ENAH: variants seen among roughly 807,000 people sequenced by gnomAD.
The protein encoded by ENAH is protein enabled homolog.
In ENAH, 23 loss-of-function variants were observed where a neutral mutation model predicts 78.7. The observed-to-expected ratio is 0.29, with a 90% CI of 0.21 to 0.41. ENAH has a LOEUF of 0.41. Among genes scored for constraint, ENAH ranks in the 10% least tolerant of loss-of-function variants. ENAH has a pLI of 1.00. For synonymous variants in ENAH, 226 were observed against 241.0 expected, an observed-to-expected ratio of 0.94 and a Z score of 0.58; for missense variants, 544 against 691.0, an observed-to-expected ratio of 0.79 and a Z score of 2.39.
chr1:225,612,268 A>G (rs1191872453), intron 1 of ENAH, among the ~76,000 whole-genome samples: 3 of 152,236 alleles, frequency 2.0e-5, no homozygotes, highest in Non-Finnish European at 4.4e-5. Context: ...ACGTACTGAC[A>G]CTGCTATGAC....
intron 3 of ENAH, among the ~76,000 whole-genome samples, chr1:225,541,881 T>C (rs768077904): frequency 2.0e-5 from 3 of 152,148 alleles, no homozygotes; most frequent in Non-Finnish European, 2.9e-5. Context: ...GGCTCTAGTT[T>C]GTTTTTTGTT....
chr1:225,595,095 G>C (rs1193121698), intron 1 of ENAH, among the ~76,000 whole-genome samples: 1 of 152,166 alleles, frequency 6.6e-6, no homozygotes, highest in South Asian at 2.1e-4. Context: ...AGCACTTTGG[G>C]AGGCCAAGGC....
intron 1 of ENAH, among the ~76,000 whole-genome samples, chr1:225,586,748 GAGC>G (rs2096849032): frequency 6.6e-6 from 1 of 152,130 alleles, no homozygotes; most frequent in Non-Finnish European, 1.5e-5. Context: ...GAAAAAGGCC[GAGC>G]ATGGTGGCTC....
At chr1:225,600,452 T>G (rs1440063265) in intron 1 of ENAH, among the ~76,000 whole-genome samples, 1 of 151,862 alleles carries the variant, frequency 6.6e-6, no homozygotes, top group Non-Finnish European at 1.5e-5. Context: ...TTATGTTAGG[T>G]TGGTGCAGAA....
In ENAH at chr1:225,486,931, A is replaced by C. The variant is rs2096203531; in HGVS notation, c.*10844T>G. ...CAGCAAAGCTGCAAAGTAGGAAAGA[A>C]AGCTGAGGGAGAGATTGATCCGATT... On this transcript the variant is annotated 3_prime_UTR_variant, in exon 14 of 14. Transcript: ENST00000366843. 1 of 152,690 alleles carries C rather than the reference A, an allele frequency of 6.5e-6. No individual in the cohort carries two copies. The highest frequency in any genetic ancestry group is 1.5e-5 in the Non-Finnish European group (1 of 68,044). The allele number at this position is 152,690 out of a possible 1,614,324, so 9.5% of individuals were successfully genotyped here. A position where few individuals can be genotyped will look rare whatever the true frequency, so the allele number is the denominator to read the frequency against.
Position 225,497,488 on chromosome 1 carries a change from T to C in ENAH, c.*287A>G, listed in dbSNP as rs1266649290. ...TATTTCAATGCGTGGTGATCTTGCC[T>C]GATGGGTTTTAGTATTTTCTGCATA... is the stretch of plus-strand genomic sequence containing the variant. On this transcript the variant is annotated 3_prime_UTR_variant, in exon 14 of 14. Coordinates refer to ENST00000366843, the MANE Select transcript of ENAH (RefSeq NM_018212.6). The C allele has an allele frequency of 4.0e-6, 1 of 247,366 alleles. No individual in the cohort carries two copies. The highest frequency in any genetic ancestry group is 7.3e-5 in the East Asian group (1 of 13,698). The allele number at this position is 247,366 out of a possible 1,614,324, so 15.3% of individuals were successfully genotyped here.
intron 11 of ENAH, among the ~76,000 whole-genome samples, chr1:225,502,722 T>C (rs1441985806): frequency 6.6e-6 from 1 of 152,200 alleles, no homozygotes; most frequent in Non-Finnish European, 1.5e-5. Flanking sequence ...CCTTCTTACT[T>C]TGCTAGGGAA....
At chr1:225,613,237 C>T (rs1174620624) in intron 1 of ENAH, among the ~76,000 whole-genome samples, 1 of 152,178 alleles carries the variant, frequency 6.6e-6, no homozygotes, top group Non-Finnish European at 1.5e-5. Context: ...AGAAGCCTTC[C>T]GTGACCACCC....
chr1:225,626,944 G>A (rs1033144809), intron 1 of ENAH, among the ~76,000 whole-genome samples: 1 of 152,140 alleles, frequency 6.6e-6, no homozygotes, highest in Non-Finnish European at 1.5e-5. Context: ...TGAGAAAGAG[G>A]AATGGTATTT....
Position 225,517,214 on chromosome 1 carries a change from C to G in ENAH, c.895G>C (p.Glu299Gln). ...GCCTTACCCTGTTGGGATGGAGTCTCGGCCGGCTGAGAGGCTGCCTGCAAG... is the reference window on the plus strand; with the variant it reads ...GCCTTACCCTGTTGGGATGGAGTCTGGGCCGGCTGAGAGGCTGCCTGCAAG... Reference protein sequence around the residue: ...PGLQAASQPAETPSQQGIVLG... With the variant: ...PGLQAASQPAQTPSQQGIVLG... Residue 299 changes from glutamate (E) to glutamine (Q), a missense_variant, in exon 6 of 14, where the codon GAG becomes CAG. By Grantham distance (29) the Glu-to-Gln change is conservative. Coordinates refer to ENST00000366843, the MANE Select transcript of ENAH (RefSeq NM_018212.6). The G allele has an allele frequency of 3.9e-6, 6 of 1,541,734 alleles. No individual in the cohort carries two copies. The highest frequency in any genetic ancestry group is 5.3e-6 in the Non-Finnish European group (6 of 1,142,352).
chr1:225,511,690 ACT>A lies in ENAH; in HGVS notation c.1471+119_1471+120del, dbSNP rs1016258850. The A allele has an allele frequency of 3.5e-5, 21 of 599,912 alleles. No homozygotes were observed. The African/African-American group carries it at 3.8e-4, about 11-fold the overall frequency. 37.2% of individuals were successfully genotyped at this position (599,912 alleles called of 1,614,324 possible). ...GAATGCTTTCAGGTGGGAACAAAGA[ACT>A]CTGGCATTTTAGTGTCCAGTCACTT... On this transcript the variant is annotated intron_variant, in intron 10 of 13. Transcript: ENST00000366843.
chr1:225,604,778 G>C (rs1025417140), intron 1 of ENAH, among the ~76,000 whole-genome samples: 1 of 152,096 alleles, frequency 6.6e-6, no homozygotes, highest in African/African-American at 2.4e-5. Context: ...GGGCAACACA[G>C]CAAGACCCTG....
At chr1:225,644,521 T>C (rs1466740796) in intron 1 of ENAH, among the ~76,000 whole-genome samples, 1 of 152,194 alleles carries the variant, frequency 6.6e-6, no homozygotes, top group African/African-American at 2.4e-5. Context: ...ATATAATAAT[T>C]ATTAAGACTG....
At chr1:225,567,508 T>C in intron 1 of ENAH, 94 bp from the exon 2 acceptor site, 1 of 1,248,314 alleles carries the variant, frequency 8.0e-7, no homozygotes, top group Non-Finnish European at 1.1e-6. Context: ...CAGTCAACGA[T>C]CAGTGCTGTT....
At chr1:225,580,585 C>T (rs1043778277) in intron 1 of ENAH, among the ~76,000 whole-genome samples, 1 of 152,172 alleles carries the variant, frequency 6.6e-6, no homozygotes, top group Non-Finnish European at 1.5e-5. Flanking sequence ...AAGTAACACA[C>T]TACCCCTTCA....
At chr1:225,540,696 TA>T (rs34233856) in intron 3 of ENAH, among the ~76,000 whole-genome samples, 6,842 of 139,576 alleles carry the variant, frequency 0.049, 217 homozygotes, top group South Asian at 0.12. Flanking sequence ...AACGTTTATT[TA>T]AAAAAAAAAA....
chr1:225,615,718 GTC>G (rs2097025650), intron 1 of ENAH, among the ~76,000 whole-genome samples: 1 of 149,138 alleles, frequency 6.7e-6, no homozygotes, highest in African/African-American at 2.5e-5. Context: ...ACTGAGGAGT[GTC>G]TCTGCCCGAC....
intron 3 of ENAH, among the ~76,000 whole-genome samples, chr1:225,539,279 G>C (rs1323110326): frequency 6.6e-6 from 1 of 152,116 alleles, no homozygotes; most frequent in African/African-American, 2.4e-5. Context: ...TCAGGGTGGG[G>C]CAACAAGTAT....
chr1:225,558,315 T>C (rs967443350), intron 2 of ENAH, among the ~76,000 whole-genome samples: 4 of 152,162 alleles, frequency 2.6e-5, no homozygotes, highest in South Asian at 2.1e-4. Flanking sequence ...CTTTAAAGGA[T>C]TGGTTGAAAA....
Sources: allele counts gnomAD v4.1 joint callset (sites outside exome capture counted in the v4.1 genomes callset), GRCh38; gene constraint gnomAD v4.1.1; transcripts MANE v1.5; gene names NCBI Gene and HGNC (gene_info 2026-07-23, HGNC 2026-07-21).